The following RPRD1B variants were observed in gnomAD, a reference collection of about 807,000 sequenced individuals.
The protein encoded by RPRD1B is regulation of nuclear pre-mRNA domain containing 1B, also known as regulation of nuclear pre-mRNA domain-containing protein 1B.
A neutral mutation model predicts 41.5 loss-of-function variants in RPRD1B; 11 were observed. The ratio of observed to expected loss-of-function variants is 0.27; its 90% CI spans 0.17 to 0.44. The LOEUF (loss-of-function observed/expected upper bound fraction) is 0.44. RPRD1B is among the 20% of genes least tolerant of loss of function. RPRD1B has a pLI of 1.00. For missense variants in RPRD1B, 248 were observed against 389.9 expected (o/e 0.64, Z 3.06); for synonymous variants, 158 against 155.6 (o/e 1.02, Z -0.12).
rs1380276098 is a variant in RPRD1B at position 38,078,476 on chromosome 20, G to T, written c.832-11250G>T. Among the ~76,000 whole-genome samples, 8 of 149,632 alleles carry T rather than the reference G, an allele frequency of 5.3e-5. No homozygotes were observed. The South Asian group carries it at 1.5e-3, about 28-fold the overall frequency. ...CCTCAGACCCCACCCCAACCCCCCAGCCCCATACACTGTCTTAGCTCCCTA... is the reference window on the plus strand; with the variant it reads ...CCTCAGACCCCACCCCAACCCCCCATCCCCATACACTGTCTTAGCTCCCTA... On this transcript the variant is annotated intron_variant, in intron 6 of 6. Coordinates refer to ENST00000373433, the MANE Select transcript of RPRD1B (RefSeq NM_021215.4).
chr20:38,050,098 C>A (rs1488754967), intron 3 of RPRD1B, among the ~76,000 whole-genome samples: 1 of 152,212 alleles, frequency 6.6e-6, no homozygotes, highest in Non-Finnish European at 1.5e-5. Flanking sequence ...CCTCCTTGTT[C>A]TCTGGTACTT....
intron 3 of RPRD1B, among the ~76,000 whole-genome samples, chr20:38,057,212 T>C (rs890871261): frequency 2.6e-5 from 4 of 152,134 alleles, no homozygotes; most frequent in African/African-American, 9.7e-5. Context: ...CTAGCACACG[T>C]TGGTTTGCTT....
intron 6 of RPRD1B, among the ~76,000 whole-genome samples, chr20:38,089,438 A>T (rs1413967059): frequency 6.6e-6 from 1 of 152,228 alleles, no homozygotes; most frequent in East Asian, 1.9e-4. Context: ...CAACAAAAAG[A>T]GAATGCAAAT....
At chr20:38,083,266 G>A (rs887760343) in intron 6 of RPRD1B, among the ~76,000 whole-genome samples, 5 of 152,048 alleles carry the variant, frequency 3.3e-5, no homozygotes, top group Admixed American at 3.3e-4. Flanking sequence ...CTGGTTTTAT[G>A]TAGTGAGGGA....
chr20:38,035,840 C>T (rs1010317249), intron 1 of RPRD1B, among the ~76,000 whole-genome samples: 1 of 151,646 alleles, frequency 6.6e-6, no homozygotes, highest in African/African-American at 2.4e-5. Flanking sequence ...TCTCAGCTCA[C>T]TGCAAGCTCC....
At chr20:38,078,420 T>C (rs1014043925) in intron 6 of RPRD1B, among the ~76,000 whole-genome samples, 1 of 152,198 alleles carries the variant, frequency 6.6e-6, no homozygotes, top group African/African-American at 2.4e-5. Context: ...TTGTATCTCA[T>C]GTCAAACAGT....
At chr20:38,038,236 G>A (rs1240641795) in intron 1 of RPRD1B, among the ~76,000 whole-genome samples, 1 of 151,294 alleles carries the variant, frequency 6.6e-6, no homozygotes. Flanking sequence ...TAAGACATCA[G>A]TTTCATCAGT....
intron 6 of RPRD1B, chr20:38,070,776 G>A (rs902877296): frequency 2.1e-6 from 2 of 938,400 alleles, no homozygotes; most frequent in Non-Finnish European, 1.2e-6. Context: ...CTCTTGCTCT[G>A]TTGCCCAGGG....
At position 38,061,206 on chromosome 20, in the gene RPRD1B, G is replaced by A. The variant is rs531233522; in HGVS notation, c.655+1686G>A. Among the ~76,000 whole-genome samples, 8 of 152,322 alleles carry A rather than the reference G, an allele frequency of 5.3e-5. No individual in the cohort carries two copies. In the East Asian group the frequency reaches 1.3e-3, roughly 26 times the overall value. ...ATTTAGTTGTGCTAAGTATTCTCAT[G>A]TTGTTATACAACCAGTTTCCAGAGT... On this transcript the variant is annotated intron_variant, in intron 5 of 6. Transcript: ENST00000373433.
chr20:38,051,034 G>A (rs1311458838), intron 3 of RPRD1B, among the ~76,000 whole-genome samples: 1 of 151,992 alleles, frequency 6.6e-6, no homozygotes, highest in African/African-American at 2.4e-5. Context: ...TTGTCTTCAG[G>A]CAACTTCATG....
At chr20:38,074,559 C>T (rs2074441564) in intron 6 of RPRD1B, among the ~76,000 whole-genome samples, 1 of 152,186 alleles carries the variant, frequency 6.6e-6, no homozygotes, top group Non-Finnish European at 1.5e-5. Context: ...ATATTTGTAG[C>T]CCAACTTCTG....
rs149758792 is a variant in RPRD1B, at chr20:38,044,065, A to G, written c.281+3501A>G. 7.1e-3 allele frequency among the ~76,000 whole-genome samples: 1,084 copies of G among 152,324 alleles called. 5 individuals carry two copies. The highest frequency in any genetic ancestry group is 0.021 in the African/African-American group (866 of 41,568). On this transcript the variant is annotated intron_variant, in intron 2 of 6. Transcript: ENST00000373433. ...TTCCCTAGAATGACTCACAGGGCTC[A>G]TCATGTAGTCATAGTCATGGCAGTG...
chr20:38,068,299 T>C (rs1255057235), intron 6 of RPRD1B, among the ~76,000 whole-genome samples: 1 of 152,206 alleles, frequency 6.6e-6, no homozygotes, highest in African/African-American at 2.4e-5. Flanking sequence ...AAGGTTCTTA[T>C]CTCAAACCAT....
chr20:38,055,750 C>G (rs540626080), intron 3 of RPRD1B, among the ~76,000 whole-genome samples: 1 of 152,288 alleles, frequency 6.6e-6, no homozygotes, highest in Admixed American at 6.5e-5. Flanking sequence ...GGTGTTATCA[C>G]TGGGCGATAA....
At chr20:38,062,562 A>G (rs977781443) in intron 5 of RPRD1B, among the ~76,000 whole-genome samples, 1 of 152,036 alleles carries the variant, frequency 6.6e-6, no homozygotes, top group Non-Finnish European at 1.5e-5. Context: ...GGCCCTCATC[A>G]TTCCTGTTGA....
chr20:38,087,823 T>C (rs2074575811), intron 6 of RPRD1B, among the ~76,000 whole-genome samples: 1 of 152,192 alleles, frequency 6.6e-6, no homozygotes, highest in Non-Finnish European at 1.5e-5. Flanking sequence ...TCTCAGGAGC[T>C]ACTTCATGTG....
rs1409303078 is a variant in RPRD1B, at chr20:38,082,328, G to GT, written c.832-7394dup. ...CTAGGAATTTATCCATGTCTTCTAGGTTTTCTAGTTTGTGTGCATAGAGGT... is the reference window on the plus strand; with the variant it reads ...CTAGGAATTTATCCATGTCTTCTAGGTTTTTCTAGTTTGTGTGCATAGAGGT... On this transcript the variant is annotated intron_variant, in intron 6 of 6. Coordinates refer to ENST00000373433, the MANE Select transcript of RPRD1B (RefSeq NM_021215.4). Among the ~76,000 whole-genome samples, 4 of 152,146 alleles carry GT rather than the reference G, an allele frequency of 2.6e-5. No homozygotes were observed. In the East Asian group the frequency reaches 5.8e-4, roughly 22 times the overall value.
At chr20:38,043,670 C>T (rs961618179) in intron 2 of RPRD1B, among the ~76,000 whole-genome samples, 2 of 152,116 alleles carry the variant, frequency 1.3e-5, no homozygotes, top group African/African-American at 4.8e-5. Flanking sequence ...GTGCTTCCTT[C>T]GTGGGAGGAT....
chr20:38,072,321 T>C (rs1203475192), intron 6 of RPRD1B, among the ~76,000 whole-genome samples: 2 of 152,180 alleles, frequency 1.3e-5, no homozygotes, highest in African/African-American at 4.8e-5. Context: ...CAAAAATCAA[T>C]TGGCCACAGA....
Sources: gnomAD v4.1 joint callset for allele counts (sites outside exome capture counted in the v4.1 genomes callset) on GRCh38, gnomAD v4.1.1 for gene constraint, MANE v1.5 for transcripts, NCBI Gene and HGNC (gene_info 2026-07-23, HGNC 2026-07-21) for gene names.